SCMH1: variants seen among roughly 807,000 people sequenced by gnomAD.
SCMH1 encodes Scm polycomb group protein homolog 1.
SCMH1 carries 37 observed loss-of-function variants against 70.8 expected under a neutral mutation model. The observed-to-expected ratio is 0.52, with a 90% CI of 0.40 to 0.69. The LOEUF (loss-of-function observed/expected upper bound fraction) is 0.69. Ranked by LOEUF, SCMH1 falls within the 30% of genes least tolerant of loss-of-function variation. The pLI is 0.00. For synonymous variants in SCMH1, 292 were observed against 307.4 expected (o/e 0.95, Z 0.52); for missense variants, 607 against 827.3 (o/e 0.73, Z 3.27).
chr1:41,162,025 G>A (rs979889470), intron 2 of SCMH1, among the ~76,000 whole-genome samples: 28 of 152,104 alleles, frequency 1.8e-4, no homozygotes, highest in South Asian at 1.0e-3. Context: ...CTGGGAGCAG[G>A]CAGGAGTCCC....
intron 1 of SCMH1, among the ~76,000 whole-genome samples, chr1:41,198,552 T>G (rs1327766309): frequency 2.6e-5 from 4 of 152,162 alleles, no homozygotes; most frequent in Non-Finnish European, 4.4e-5. Context: ...TTTCATAAAT[T>G]TTCTAGTATA....
chr1:41,151,521 A>C (rs1202543325), intron 5 of SCMH1, 93 bp downstream of exon 5: 2 of 918,932 alleles, frequency 2.2e-6, no homozygotes, highest in East Asian at 5.3e-5. Flanking sequence ...TCAGGTAAGA[A>C]GCCCAAGGGC....
chr1:41,230,906 G>A (rs1661176961), intron 1 of SCMH1, among the ~76,000 whole-genome samples: 1 of 152,114 alleles, frequency 6.6e-6, no homozygotes, highest in African/African-American at 2.4e-5. Flanking sequence ...AACAAGGTTT[G>A]GGACTTGCTG....
At chr1:41,169,804 C>T (rs1001142649) in intron 2 of SCMH1, among the ~76,000 whole-genome samples, 4 of 152,156 alleles carry the variant, frequency 2.6e-5, no homozygotes, top group Non-Finnish European at 5.9e-5. Context: ...CTTCTGCACC[C>T]GTATAAATCT....
chr1:41,174,748 G>T (rs969979634), intron 2 of SCMH1, among the ~76,000 whole-genome samples: 2 of 152,058 alleles, frequency 1.3e-5, no homozygotes, highest in African/African-American at 4.8e-5. Flanking sequence ...AAATATCTTT[G>T]CTTTCTTTCC....
chr1:41,137,744 C>G (rs1369763704), intron 6 of SCMH1, among the ~76,000 whole-genome samples: 1 of 152,204 alleles, frequency 6.6e-6, no homozygotes, highest in Non-Finnish European at 1.5e-5. Flanking sequence ...TGAGAGAACA[C>G]AGCCCTATAC....
At chr1:41,093,515 T>TATA (rs958310360) in intron 8 of SCMH1, among the ~76,000 whole-genome samples, 4 of 152,260 alleles carry the variant, frequency 2.6e-5, no homozygotes, top group South Asian at 4.2e-4. Flanking sequence ...GAACTTAAAG[T>TATA]ATAATAATAA....
intron 12 of SCMH1, chr1:41,043,119 A>G (rs1391785208): frequency 2.0e-5 from 3 of 152,204 alleles, no homozygotes; most frequent in Non-Finnish European, 4.4e-5. Context: ...TTTCAGACGG[A>G]GTCTCACTCT....
intron 13 of SCMH1, among the ~76,000 whole-genome samples, chr1:41,034,570 ACCCTCCTCGGCCT>A (rs1645029455): frequency 6.6e-6 from 1 of 151,454 alleles, no homozygotes; most frequent in Non-Finnish European, 1.5e-5. Flanking sequence ...CTCGTGATCC[ACCCTCCTCGGCCT>A]CCCAAAGTGC....
At chr1:41,076,201 C>T (rs1272961131) in intron 8 of SCMH1, among the ~76,000 whole-genome samples, 1 of 152,142 alleles carries the variant, frequency 6.6e-6, no homozygotes, top group Non-Finnish European at 1.5e-5. Flanking sequence ...CTTTGTCAGA[C>T]ACATATCAAT....
At chr1:41,145,155 G>A (rs983925374) in intron 5 of SCMH1, among the ~76,000 whole-genome samples, 3 of 152,058 alleles carry the variant, frequency 2.0e-5, no homozygotes, top group African/African-American at 7.2e-5. Context: ...TCTAATCCAA[G>A]GTCATGAAGA....
chr1:41,222,226 TAAAC>T (rs887030095), intron 1 of SCMH1, among the ~76,000 whole-genome samples: 8 of 151,124 alleles, frequency 5.3e-5, no homozygotes, highest in East Asian at 1.9e-4. Context: ...ATGAAGGAAT[TAAAC>T]AAAGAAAGGA....
At position 41,160,742 on chromosome 1, in the gene SCMH1, G is replaced by A. The variant is rs899123781; in HGVS notation, c.106+133C>T. 8 of 833,900 alleles carry A rather than the reference G, an allele frequency of 9.6e-6. No individual in the cohort carries two copies. In the Admixed American group the frequency reaches 1.7e-4, roughly 18 times the overall value. 51.7% of individuals were successfully genotyped at this position (833,900 alleles called of 1,614,324 possible). A position where few individuals can be genotyped will look rare whatever the true frequency, so the allele number is the denominator to read the frequency against. Reference sequence around the variant, plus strand: ...GTACATGGGATAATTAGGCAGACAAGAGCACAGGATTCACTGGTTTCTGAG... The same window carrying A: ...GTACATGGGATAATTAGGCAGACAAAAGCACAGGATTCACTGGTTTCTGAG... On this transcript the variant is annotated intron_variant, in intron 4 of 14. Transcript: ENST00000337495.
Position 41,201,114 on chromosome 1 carries a change from C to T in SCMH1, c.-117-14864G>A, listed in dbSNP as rs139707057. ...AGATTAGATCCTCAACTACTTGGGCCATGAAGATGGGTAAATAAAGTAATT... is the reference window on the plus strand; with the variant it reads ...AGATTAGATCCTCAACTACTTGGGCTATGAAGATGGGTAAATAAAGTAATT... On this transcript the variant is annotated intron_variant, in intron 1 of 14. Coordinates refer to ENST00000337495, the Ensembl canonical transcript of SCMH1. 4.4e-3 allele frequency among the ~76,000 whole-genome samples: 675 copies of T among 152,168 alleles called. 10 individuals are homozygous for T. The highest frequency in any genetic ancestry group is 0.023 in the South Asian group (110 of 4,808).
At chr1:41,028,531 AGGTGAGGCT>A in intron 14 of SCMH1, 44 bp downstream of exon 15, 1 of 1,607,188 alleles carries the variant, frequency 6.2e-7, no homozygotes, top group Non-Finnish European at 8.5e-7. Context: ...TGTCCCCACC[AGGTGAGGCT>A]CTCCACACAG....
At chr1:41,161,402 T>C in exon 3 of SCMH1, 1 of 1,550,582 alleles carries the variant, frequency 6.4e-7, no homozygotes, top group Non-Finnish European at 8.7e-7. Context: ...GTGACCATAT[T>C]TGTGTTTTCT....
chr1:41,148,082 T>A (rs1267638757), intron 5 of SCMH1, among the ~76,000 whole-genome samples: 2 of 152,192 alleles, frequency 1.3e-5, no homozygotes, highest in Admixed American at 1.3e-4. Context: ...GTGGTTGCAT[T>A]AGAGTTTATA....
At chr1:41,126,483 C>T (rs1376963523) in intron 6 of SCMH1, among the ~76,000 whole-genome samples, 2 of 152,180 alleles carry the variant, frequency 1.3e-5, no homozygotes, top group South Asian at 2.1e-4. Flanking sequence ...GTACTTTCTA[C>T]CTTATTCCAA....
intron 13 of SCMH1, among the ~76,000 whole-genome samples, chr1:41,029,845 A>T (rs1355499326): frequency 1.3e-5 from 2 of 152,230 alleles, no homozygotes; most frequent in African/African-American, 4.8e-5. Flanking sequence ...GTTACAGATC[A>T]TTCTGTACCA....
Sources: allele counts gnomAD v4.1 joint callset (sites outside exome capture counted in the v4.1 genomes callset), GRCh38; gene constraint gnomAD v4.1.1; transcripts MANE v1.5; gene names NCBI Gene and HGNC (gene_info 2026-07-23, HGNC 2026-07-21).